Variants in ANKRD44 observed in about 807,000 individuals in gnomAD.
ANKRD44 encodes the protein serine/threonine-protein phosphatase 6 regulatory ankyrin repeat subunit B.
ANKRD44 carries 35 observed loss-of-function variants against 116.0 expected under a neutral mutation model. The ratio of observed to expected loss-of-function variants is 0.30; its 90% CI spans 0.23 to 0.40. The LOEUF (loss-of-function observed/expected upper bound fraction) is 0.40. ANKRD44 is among the 10% of genes least tolerant of loss of function. The pLI is 1.00. For missense variants in ANKRD44, 1,014 were observed against 1,242.6 expected, an observed-to-expected ratio of 0.82 and a Z score of 2.77; for synonymous variants, 435 against 461.8, an observed-to-expected ratio of 0.94 and a Z score of 0.74.
At chr2:197,009,065 G>A in intron 18 of ANKRD44, 34 bp from the exon 19 acceptor site, 1 of 1,528,410 alleles carries the variant, frequency 6.5e-7, no homozygotes. Flanking sequence ...TCTTTTAACA[G>A]AACAACACTA....
chr2:197,187,715 C>T (rs1362096396), intron 1 of ANKRD44, among the ~76,000 whole-genome samples: 1 of 152,030 alleles, frequency 6.6e-6, no homozygotes, highest in Non-Finnish European at 1.5e-5. Context: ...TTCTCTCTCA[C>T]ACAGGAGGAA....
intron 18 of ANKRD44, among the ~76,000 whole-genome samples, chr2:197,013,170 C>T (rs1422406369): frequency 1.3e-5 from 2 of 152,158 alleles, no homozygotes; most frequent in African/African-American, 4.8e-5. Context: ...TGGTTTTATG[C>T]TTTCAAATAC....
chr2:197,269,013 A>G (rs1480347041), intron 1 of ANKRD44, among the ~76,000 whole-genome samples: 1 of 151,714 alleles, frequency 6.6e-6, no homozygotes, highest in Admixed American at 6.6e-5. Context: ...AAAATAAGAA[A>G]TGCATACTCA....
rs1310403601 is a variant in ANKRD44 at position 197,078,704 on chromosome 2, A to G, written c.1649T>C (p.Leu550Ser). The G allele has an allele frequency of 6.2e-7, 1 of 1,609,714 alleles. No individual in the cohort carries two copies. Among genetic ancestry groups the G allele is most frequent in the East Asian group, 2.2e-5 (1 of 44,662 alleles). The part of the protein sequence containing the change: ...AAYGHRQCLE[L>S]LLERTNSGFE... The stretch of plus-strand genomic sequence containing the variant: ...AGAAAACAAAACAAAACAACTCACC[A>G]ATTCCAGACACTGCCTGTGCCCATA... Residue 550 changes from leucine (L) to serine (S), a missense_variant and splice_region_variant, in exon 16 of 28, where the codon TTG becomes TCG. Leu to Ser is a moderately radical substitution (Grantham distance 145). Transcript: ENST00000282272.
intron 1 of ANKRD44, among the ~76,000 whole-genome samples, chr2:197,231,688 A>C (rs2081867607): frequency 1.3e-5 from 2 of 151,888 alleles, no homozygotes; most frequent in Non-Finnish European, 2.9e-5. Flanking sequence ...CCTATGATGC[A>C]CAGGGCAGCC....
Position 197,007,923 on chromosome 2 carries a change from T to C in ANKRD44, c.2013A>G (p.Gln671=). ...ATGCTACTGCAAGCATCAGTGGTGT[T>C]CTAGGCAGAGAGATAAAGCAGGCTT... ...EAVDVKDAKG[Q]TPLMLAVAYG... Residue 671 remains glutamine, a splice_region_variant and synonymous_variant, in exon 20 of 28, where the codon CAA becomes CAG. Transcript: ENST00000282272. The C allele has an allele frequency of 6.2e-7, 1 of 1,607,826 alleles. No homozygotes were observed. The highest frequency in any genetic ancestry group is 8.5e-7 in the Non-Finnish European group (1 of 1,174,776).
chr2:197,098,449 A>C (rs1238970943), intron 10 of ANKRD44, among the ~76,000 whole-genome samples: 1 of 152,230 alleles, frequency 6.6e-6, no homozygotes, highest in Non-Finnish European at 1.5e-5. Context: ...ATGTTGCAGA[A>C]AATTAACAAA....
Position 196,998,433 on chromosome 2 carries a change from C to T in ANKRD44, c.2666-14G>A, listed in dbSNP as rs762081267. The T allele has an allele frequency of 6.2e-7, 1 of 1,606,972 alleles. No individual in the cohort carries two copies. The highest frequency in any genetic ancestry group is 1.3e-5 in the African/African-American group (1 of 74,604). On this transcript the variant is annotated splice_polypyrimidine_tract_variant and intron_variant, in intron 24 of 27. Transcript: ENST00000282272. Reference sequence around the variant, plus strand: ...TCACCAAAATATCTGTAGAAAAAGCCCAAAAGAGGGTTACTTAGATGAGAT... The same window carrying T: ...TCACCAAAATATCTGTAGAAAAAGCTCAAAAGAGGGTTACTTAGATGAGAT...
At position 197,235,488 on chromosome 2, in the gene ANKRD44, C is replaced by T. The variant is rs546117303; in HGVS notation, c.28-48382G>A. On this transcript the variant is annotated intron_variant, in intron 1 of 27. Coordinates refer to ENST00000282272, the MANE Select transcript of ANKRD44 (RefSeq NM_001195144.2). ...AAAATTAGTTGGGCATGGTGGCGGG[C>T]GCCTGTAATCCCAGCTACTTGGGAG... Among the ~76,000 whole-genome samples, 257 of 151,816 alleles carry T rather than the reference C, an allele frequency of 1.7e-3. 1 individual carries two copies. The highest frequency in any genetic ancestry group is 5.9e-3 in the African/African-American group (246 of 41,430).
At chr2:197,310,487 G>C in intron 1 of ANKRD44, 91 bp downstream of exon 1, 9 of 901,776 alleles carry the variant, frequency 1.0e-5, no homozygotes, top group Non-Finnish European at 1.2e-5. Context: ...AACAGCTCGC[G>C]GGCGCGCTCC....
At chr2:196,993,720 G>T (rs561166471) in intron 26 of ANKRD44, 46 bp from the exon 27 acceptor site, 7 of 1,492,338 alleles carry the variant, frequency 4.7e-6, no homozygotes, top group Non-Finnish European at 6.4e-6. Flanking sequence ...ATATTTGGGT[G>T]AGAATGTGGA....
chr2:197,214,119 G>A (rs2081385685), intron 1 of ANKRD44, among the ~76,000 whole-genome samples: 1 of 152,038 alleles, frequency 6.6e-6, no homozygotes, highest in Admixed American at 6.6e-5. Context: ...ATTTTTGTGG[G>A]AAATTACTAT....
At chr2:197,170,208 A>AAAAAC (rs2080198937) in intron 2 of ANKRD44, among the ~76,000 whole-genome samples, 1 of 146,446 alleles carries the variant, frequency 6.8e-6, no homozygotes, top group African/African-American at 2.7e-5. Flanking sequence ...AAAAAAAAAA[A>AAAAAC]AAAAAACTGG....
rs980066884 is a variant in ANKRD44 at position 197,078,481 on chromosome 2, C to G, written c.1650+222G>C. ...ATGACTACCATGCTTTTGTGCTGTG[C>G]TTAAAAGCCTTGGGTGGTGGTGGGG... On this transcript the variant is annotated intron_variant, in intron 16 of 27. Coordinates refer to ENST00000282272, the MANE Select transcript of ANKRD44 (RefSeq NM_001195144.2). The G allele has an allele frequency of 3.8e-5, 49 of 1,286,460 alleles. No individual in the cohort carries two copies. In the African/African-American group the frequency reaches 6.6e-4, roughly 17 times the overall value. The allele number at this position is 1,286,460 out of a possible 1,614,324, so 79.7% of individuals were successfully genotyped here.
intron 2 of ANKRD44, among the ~76,000 whole-genome samples, chr2:197,157,962 T>C (rs148174664): frequency 9.2e-5 from 14 of 152,306 alleles, no homozygotes; most frequent in African/African-American, 3.4e-4. Flanking sequence ...CTGGGGAAAG[T>C]TGATAAAGTA....
chr2:197,001,961 C>A (rs2076122671), intron 21 of ANKRD44, 121 bp from the exon 22 acceptor site: 2 of 665,676 alleles, frequency 3.0e-6, no homozygotes, highest in South Asian at 1.8e-5. Flanking sequence ...GCTGAACATT[C>A]ATTCTCCATG....
At chr2:196,991,080 T>G (rs756297534) in intron 27 of ANKRD44, among the ~76,000 whole-genome samples, 75 of 151,974 alleles carry the variant, frequency 4.9e-4, no homozygotes, top group African/African-American at 1.7e-3. Context: ...TTCTCACAAG[T>G]CATGCTAGGG....
chr2:197,287,790 C>A (rs1163552964), intron 1 of ANKRD44, among the ~76,000 whole-genome samples: 1 of 151,816 alleles, frequency 6.6e-6, no homozygotes, highest in Non-Finnish European at 1.5e-5. Flanking sequence ...GAGGCCGAGG[C>A]GGGCATATCA....
chr2:197,058,708 C>T (rs1261272672), intron 16 of ANKRD44, among the ~76,000 whole-genome samples: 1 of 152,154 alleles, frequency 6.6e-6, no homozygotes, highest in Non-Finnish European at 1.5e-5. Flanking sequence ...GCATTTCATT[C>T]TATTTAAAAT....
Sources: allele counts gnomAD v4.1 joint callset (sites outside exome capture counted in the v4.1 genomes callset), GRCh38; gene constraint gnomAD v4.1.1; transcripts MANE v1.5; gene names NCBI Gene and HGNC (gene_info 2026-07-23, HGNC 2026-07-21).